Variants in TNPO2 observed in about 807,000 individuals in gnomAD.
TNPO2 encodes transportin-2.
Under a neutral mutation model 111.1 loss-of-function variants are expected in TNPO2, and 16 were observed. The observed-to-expected ratio is 0.14, with a 90% CI of 0.10 to 0.22. The LOEUF (loss-of-function observed/expected upper bound fraction) is 0.22. TNPO2 is among the 10% of genes least tolerant of loss of function. The pLI is 1.00. For missense variants in TNPO2, 530 were observed against 1,173.7 expected (o/e 0.45, Z 8.01); for synonymous variants, 481 against 475.8 (o/e 1.01, Z -0.14).
chr19:12,718,982 G>T (rs374502315), intron 5 of TNPO2, 47 bp downstream of exon 5: 2 of 1,606,798 alleles, frequency 1.2e-6, no homozygotes, highest in East Asian at 4.5e-5. Context: ...GCTGAGAAGT[G>T]AGAGTTCAGT....
intron 20 of TNPO2, 70 bp downstream of exon 20, chr19:12,703,358 G>C (rs2025440538): frequency 6.9e-7 from 1 of 1,444,948 alleles, no homozygotes; most frequent in Non-Finnish European, 9.7e-7. Flanking sequence ...GTCAGTCAGA[G>C]CTAGGCTCCC....
Position 12,705,431 on chromosome 19 carries a change from G to T in TNPO2, c.1864-33C>A. 6.3e-7 allele frequency: 1 copy of T among 1,576,998 alleles called. No homozygotes were observed. Among genetic ancestry groups the T allele is most frequent in the Middle Eastern group, 1.7e-4 (1 of 6,026 alleles). On this transcript the variant is annotated intron_variant, in intron 17 of 25. Transcript: ENST00000425528. The surrounding 1 kb of genome is among the most constrained non-coding windows in gnomAD (Gnocchi z 7.2). Reference sequence around the variant, plus strand: ...CAGATGCCGACAGGGGCACGGGTAAGTGGAGCAGGCCCGAGGCAGGCCAAT... The same window carrying T: ...CAGATGCCGACAGGGGCACGGGTAATTGGAGCAGGCCCGAGGCAGGCCAAT...
chr19:12,719,182 G>A lies in TNPO2; in HGVS notation c.176-4C>T. 1 of 1,613,940 alleles carries A rather than the reference G, an allele frequency of 6.2e-7. No individual in the cohort carries two copies. Among genetic ancestry groups the A allele is most frequent in the Non-Finnish European group, 8.5e-7 (1 of 1,179,854 alleles). The stretch of plus-strand genomic sequence containing the variant: ...CTGAGAGAGCGCGTTGGCTCATCTG[G>A]GAGGAGGAAGGCTGAGGTTCAGGGG... On this transcript the variant is annotated splice_region_variant and splice_polypyrimidine_tract_variant and intron_variant, in intron 4 of 25. Transcript: ENST00000425528. The surrounding 1 kb of genome is among the most constrained non-coding windows in gnomAD (Gnocchi z 5.0).
intron 13 of TNPO2, among the ~76,000 whole-genome samples, chr19:12,708,301 T>G (rs1034763125): frequency 6.6e-6 from 1 of 151,760 alleles, no homozygotes; most frequent in African/African-American, 2.4e-5. Context: ...CTGGCTAATT[T>G]TTGTATTTTT....
Position 12,714,921 on chromosome 19 carries a change from G to A in TNPO2, c.790C>T (p.Gln264Ter). 6.2e-7 allele frequency: 1 copy of A among 1,613,350 alleles called. No individual in the cohort carries two copies. ...AGGGCAACGTTCTCATCATGGTCCT[G>A]GGTCCTCTGCAGCATGTACTGTGGT... ...SIIQYMLQRT[Q>*]DHDENVALEA... Residue 264 changes from glutamine (Q) to a stop codon, truncating the protein, a stop_gained, in exon 10 of 26, where the codon CAG becomes TAG. Coordinates refer to ENST00000425528, the MANE Select transcript of TNPO2 (RefSeq NM_001382241.1). LOFTEE classifies it high-confidence loss of function.
intron 19 of TNPO2, 57 bp downstream of exon 19, chr19:12,703,657 T>TC: frequency 6.3e-7 from 1 of 1,589,468 alleles, no homozygotes; most frequent in Non-Finnish European, 8.6e-7. Context: ...GGTATTGCTC[T>TC]CCATCACTTG....
intron 3 of TNPO2, among the ~76,000 whole-genome samples, chr19:12,720,589 CCGAT>C (rs2026626352): frequency 6.6e-6 from 1 of 152,160 alleles, no homozygotes; most frequent in African/African-American, 2.4e-5. Flanking sequence ...CCAAAGTGCT[CCGAT>C]TACAGGCATG....
intron 3 of TNPO2, 149 bp downstream of exon 3, chr19:12,720,730 T>C (rs1229448024): frequency 1.0e-6 from 1 of 980,094 alleles, no homozygotes; most frequent in East Asian, 3.0e-5. Flanking sequence ...GACCCAGGAA[T>C]TGTAATCCTT....
At chr19:12,711,752 A>G in intron 10 of TNPO2, 139 bp from the exon 11 acceptor site, 1 of 678,824 alleles carries the variant, frequency 1.5e-6, no homozygotes, top group Non-Finnish European at 2.6e-6. Flanking sequence ...CCTGCAGAGC[A>G]TGATGGTACT....
chr19:12,705,789 G>A lies in TNPO2; in HGVS notation c.1669-21C>T, dbSNP rs1446687519. The stretch of plus-strand genomic sequence containing the variant: ...TATTCCTGGAGAGGGAGCACGAAAT[G>A]GGCGCTCCCTGGGTCGGGGTGGCAG... On this transcript the variant is annotated intron_variant, in intron 15 of 25. Transcript: ENST00000425528. The surrounding 1 kb of genome is among the most constrained non-coding windows in gnomAD (Gnocchi z 7.2). The A allele has an allele frequency of 6.9e-7, 1 of 1,440,418 alleles. No homozygotes were observed. Among genetic ancestry groups the A allele is most frequent in the Non-Finnish European group, 9.2e-7 (1 of 1,087,342 alleles). 89.2% of individuals were successfully genotyped at this position (1,440,418 alleles called of 1,614,324 possible). A position where few individuals can be genotyped will look rare whatever the true frequency, so the allele number is the denominator to read the frequency against.
At chr19:12,708,181 G>A (rs1375964032) in intron 13 of TNPO2, among the ~76,000 whole-genome samples, 4 of 151,826 alleles carry the variant, frequency 2.6e-5, no homozygotes, top group South Asian at 2.1e-4. Flanking sequence ...CCCCCAAGGA[G>A]GAGTGCAGTG....
rs750853081 is a variant in TNPO2, at chr19:12,719,310, A to T, written c.126T>A (p.Pro42=). The T allele has an allele frequency of 7.2e-5, 116 of 1,613,862 alleles. No homozygotes were observed. The highest frequency in any genetic ancestry group is 4.5e-4 in the Admixed American group (27 of 59,996). ...QDKLKQLNQF[P]DFNNYLIFVL... ...CGAAAATCAGGTAGTTGTTGAAGTC[A>T]GGAAACTGATTGAGTTGTTTGAGTT... Residue 42 remains proline (P), a synonymous_variant, in exon 4 of 26, where the codon CCT becomes CCA. Coordinates refer to ENST00000425528, the MANE Select transcript of TNPO2 (RefSeq NM_001382241.1). The surrounding 1 kb of genome is among the most constrained non-coding windows in gnomAD (Gnocchi z 5.0).
At chr19:12,720,484 CTAT>C (rs1014282590) in intron 3 of TNPO2, among the ~76,000 whole-genome samples, 7 of 151,732 alleles carry the variant, frequency 4.6e-5, no homozygotes, top group Non-Finnish European at 8.8e-5. Flanking sequence ...CCACACCTAG[CTAT>C]TTTTTGTATT....
rs1182265341 is a variant in TNPO2 at position 12,708,925 on chromosome 19, C to T, written c.1270+1696G>A. 4.6e-5 allele frequency among the ~76,000 whole-genome samples: 7 copies of T among 151,860 alleles called. No individual in the cohort carries two copies. In the East Asian group the frequency reaches 1.4e-3, roughly 29 times the overall value. ...GGTGAATTCCTGCAATCCCAAGCTACTCTGGAGGCTGAGGCAGGAGAATTG... is the reference window on the plus strand; with the variant it reads ...GGTGAATTCCTGCAATCCCAAGCTATTCTGGAGGCTGAGGCAGGAGAATTG... On this transcript the variant is annotated intron_variant, in intron 13 of 25. Transcript: ENST00000425528.
At position 12,701,463 on chromosome 19, in the gene TNPO2, G is replaced by A. The variant is rs1220408081; in HGVS notation, c.2587-10C>T. 1.2e-6 allele frequency: 2 copies of A among 1,612,686 alleles called. No homozygotes were observed. The highest frequency in any genetic ancestry group is 1.7e-5 in the Admixed American group (1 of 60,016). Reference sequence around the variant, plus strand: ...TGAAGCCGTGGAGAATCTGTGGGGAGGGTGGTGGTGAGGGGTAGGCAGGGG... The same window carrying A: ...TGAAGCCGTGGAGAATCTGTGGGGAAGGTGGTGGTGAGGGGTAGGCAGGGG... On this transcript the variant is annotated splice_polypyrimidine_tract_variant and intron_variant, in intron 24 of 25. Coordinates refer to ENST00000425528, the MANE Select transcript of TNPO2 (RefSeq NM_001382241.1). The surrounding 1 kb of genome is among the most constrained non-coding windows in gnomAD (Gnocchi z 5.0).
At chr19:12,703,914 G>T in intron 18 of TNPO2, 113 bp from the exon 19 acceptor site, 1 of 937,898 alleles carries the variant, frequency 1.1e-6, no homozygotes, top group Non-Finnish European at 1.6e-6. Context: ...CAGTTCTAGA[G>T]CTCCTAGCTG....
rs764218305 is a variant in TNPO2 at position 12,702,121 on chromosome 19, C to G, written c.2362G>C (p.Val788Leu). Reference sequence around the variant, plus strand: ...ATGGGTGCCACCTCCTGGGGGCACACGTAGCCCAAGCGGCCGATGGTGATG... The same window carrying G: ...ATGGGTGCCACCTCCTGGGGGCACAGGTAGCCCAAGCGGCCGATGGTGATG... ...PAITIGRLGYVCPQEVAPMLQ... is the reference protein window; with the variant it reads ...PAITIGRLGYLCPQEVAPMLQ... Residue 788 changes from valine (V) to leucine (L), a missense_variant, in exon 22 of 26, where the codon GTG (valine) becomes CTG (leucine). Around this residue, in one of 4 missense-constraint regions of TNPO2, gnomAD observed 103 missense variants for 156.7 expected, o/e 0.66. Coordinates refer to ENST00000425528, the MANE Select transcript of TNPO2 (RefSeq NM_001382241.1). The surrounding 1 kb of genome is among the most constrained non-coding windows in gnomAD (Gnocchi z 5.5). The G allele has an allele frequency of 2.5e-6, 4 of 1,613,506 alleles. No individual in the cohort carries two copies. Among genetic ancestry groups the G allele is most frequent in the Non-Finnish European group, 3.4e-6 (4 of 1,179,818 alleles).
chr19:12,703,311 C>T, intron 20 of TNPO2, 117 bp downstream of exon 20: 1 of 893,426 alleles, frequency 1.1e-6, no homozygotes, highest in Non-Finnish European at 1.8e-6. Context: ...TGGCTCCACC[C>T]CTGACGACCC....
At position 12,703,542 on chromosome 19, in the gene TNPO2, A is replaced by G. The variant is rs756667587; in HGVS notation, c.2111-16T>C. The G allele has an allele frequency of 3.7e-6, 6 of 1,613,272 alleles. No individual in the cohort carries two copies. The African/African-American group carries it at 6.7e-5, about 18-fold the overall frequency. ...ATGAACTCGGCTGGTGGGGAGAAACAGGGGTGCTGAGAAGGAGGGCCAGCC... is the reference window on the plus strand; with the variant it reads ...ATGAACTCGGCTGGTGGGGAGAAACGGGGGTGCTGAGAAGGAGGGCCAGCC... On this transcript the variant is annotated splice_polypyrimidine_tract_variant and intron_variant, in intron 19 of 25. Transcript: ENST00000425528.
Sources: gnomAD v4.1 joint callset for allele counts (sites outside exome capture counted in the v4.1 genomes callset) on GRCh38, gnomAD v4.1.1 for gene constraint, gnomAD v4.1.1 regional missense constraint, Gnocchi (gnomAD v3.1) non-coding constraint, MANE v1.5 for transcripts, NCBI Gene and HGNC (gene_info 2026-07-23, HGNC 2026-07-21) for gene names.